SLC39A12: variants seen among roughly 807,000 people sequenced by gnomAD.
The protein encoded by SLC39A12 is solute carrier family 39 member 12.
SLC39A12 carries 63 observed loss-of-function variants against 71.1 expected under a neutral mutation model. The ratio of observed to expected loss-of-function variants is 0.89; its 90% confidence interval spans 0.72 to 1.09. The LOEUF (loss-of-function observed/expected upper bound fraction) is 1.09, where lower values mean the gene tolerates loss of function less well. SLC39A12 is among the 50% of genes least tolerant of loss of function. The probability of loss-of-function intolerance (pLI) is 0.00; values close to 1 mark genes in which losing one functional copy is unlikely to be tolerated. For missense variants in SLC39A12, 892 were observed against 812.6 expected, an observed-to-expected ratio of 1.10 and a Z score of -1.19; for synonymous variants, 351 against 301.3, an observed-to-expected ratio of 1.16 and a Z score of -1.71.
chr10:17,980,256 T>C (rs1056470270), intron 5 of SLC39A12, among the ~76,000 whole-genome samples: 2 of 152,120 alleles, frequency 1.3e-5, no homozygotes, highest in Non-Finnish European at 1.5e-5. Flanking sequence ...CATGAAATCA[T>C]CTCTAAAGAT....
intron 12 of SLC39A12, among the ~76,000 whole-genome samples, chr10:18,032,372 G>GT (rs1836873706): frequency 1.2e-5 from 1 of 83,980 alleles, no homozygotes; most frequent in Non-Finnish European, 2.4e-5. Flanking sequence ...CACATCCCTT[G>GT]TAAGTTGGAT....
chr10:18,020,873 C>T (rs183666120), intron 12 of SLC39A12, among the ~76,000 whole-genome samples: 2 of 151,952 alleles, frequency 1.3e-5, no homozygotes, highest in Non-Finnish European at 2.9e-5. Context: ...GATATTAGAC[C>T]TTTGTTAGAT....
chr10:18,024,015 C>T (rs910924058), intron 12 of SLC39A12, among the ~76,000 whole-genome samples: 5 of 152,140 alleles, frequency 3.3e-5, no homozygotes, highest in African/African-American at 1.2e-4. Flanking sequence ...GGGGTGGGGG[C>T]TGCAGCAGTG....
intron 4 of SLC39A12, among the ~76,000 whole-genome samples, chr10:17,968,413 A>G (rs921501989): frequency 2.6e-5 from 4 of 152,182 alleles, no homozygotes; most frequent in African/African-American, 7.2e-5. Flanking sequence ...ACATTTTTAC[A>G]TCTCCAGTGC....
intron 12 of SLC39A12, among the ~76,000 whole-genome samples, chr10:18,033,963 G>C (rs1836925477): frequency 1.3e-5 from 2 of 149,290 alleles, no homozygotes; most frequent in South Asian, 4.2e-4. Flanking sequence ...GAGTGGCTTT[G>C]AGTGAGATTC....
At chr10:17,991,333 C>G in intron 8 of SLC39A12, 30 bp downstream of exon 8, 1 of 1,520,638 alleles carries the variant, frequency 6.6e-7, no homozygotes, top group Non-Finnish European at 8.8e-7. Context: ...TTGTCTTGTG[C>G]TTTAAAGTCT....
chr10:17,982,852 A>C (rs1269832514), intron 6 of SLC39A12, among the ~76,000 whole-genome samples: 21 of 152,220 alleles, frequency 1.4e-4, no homozygotes. Context: ...ACTTCTGGGG[A>C]ATAGTCTTCC....
intron 3 of SLC39A12, among the ~76,000 whole-genome samples, chr10:17,964,955 C>T (rs956156532): frequency 1.3e-4 from 20 of 152,222 alleles, no homozygotes; most frequent in African/African-American, 3.6e-4. Context: ...GCCTGTAATC[C>T]CGGCACTTTG....
intron 4 of SLC39A12, among the ~76,000 whole-genome samples, chr10:17,974,721 A>T (rs1835061883): frequency 6.6e-6 from 1 of 152,170 alleles, no homozygotes; most frequent in African/African-American, 2.4e-5. Context: ...TTAGACCTGA[A>T]GCCAGCACAG....
chr10:17,986,804 G>A (rs893973386), intron 6 of SLC39A12, among the ~76,000 whole-genome samples: 5 of 152,146 alleles, frequency 3.3e-5, no homozygotes, highest in Non-Finnish European at 7.3e-5. Context: ...CCAGGAGCTT[G>A]AGACTAGCCC....
chr10:18,036,787 TATATATA>T (rs1196383518), intron 12 of SLC39A12, among the ~76,000 whole-genome samples: 274 of 12,570 alleles, frequency 0.022, 15 homozygotes, highest in Middle Eastern at 0.071. Flanking sequence ...TATATATATA[TATATATA>T]TTTTTTTTTT....
At chr10:18,025,425 T>C (rs1836649897) in intron 12 of SLC39A12, among the ~76,000 whole-genome samples, 1 of 151,842 alleles carries the variant, frequency 6.6e-6, no homozygotes, top group Non-Finnish European at 1.5e-5. Flanking sequence ...GATGTTCCCC[T>C]TCCTGTGTCC....
chr10:18,005,869 G>C (rs567655687), intron 12 of SLC39A12: 14 of 152,004 alleles, frequency 9.2e-5, no homozygotes, highest in African/African-American at 3.4e-4. Context: ...AAAAATACTT[G>C]TGAGTTTCCC....
chr10:17,976,171 T>A (rs1397541916), intron 4 of SLC39A12, among the ~76,000 whole-genome samples: 1 of 152,152 alleles, frequency 6.6e-6, no homozygotes, highest in Non-Finnish European at 1.5e-5. Flanking sequence ...TGAAGGTGCT[T>A]TTCTTGTGTA....
At chr10:18,012,865 CAAAA>C (rs35173291) in intron 12 of SLC39A12, among the ~76,000 whole-genome samples, 4 of 104,354 alleles carry the variant, frequency 3.8e-5, no homozygotes, top group Admixed American at 1.0e-4. Context: ...GACTACGTCT[CAAAA>C]AAAAAAAAAA....
chr10:17,978,366 A>G (rs914675980), intron 5 of SLC39A12, among the ~76,000 whole-genome samples: 1 of 152,216 alleles, frequency 6.6e-6, no homozygotes, highest in Non-Finnish European at 1.5e-5. Context: ...TTTTATGCAC[A>G]CCGCTAATCA....
At position 17,961,721 on chromosome 10, in the gene SLC39A12, C is replaced by T; in HGVS notation, c.402C>T (p.Asn134=). Residue 134 remains asparagine, a synonymous_variant, in exon 3 of 13, where the codon AAC becomes AAT. Coordinates refer to ENST00000377369, the MANE Select transcript of SLC39A12 (RefSeq NM_001145195.2). ...AAGAGATCTGTTCTTCAAAGCTCAA[C>T]ATGAGTAATAAAGAGTATAAATTTT... The part of the protein sequence containing the change: ...HQEEICSSKL[N]MSNKEYKFYL... 1.2e-6 allele frequency: 2 copies of T among 1,614,106 alleles called. No homozygotes were observed. The highest frequency in any genetic ancestry group is 1.3e-5 in the African/African-American group (1 of 75,052).
chr10:18,041,452 C>T (rs981288525), intron 12 of SLC39A12, among the ~76,000 whole-genome samples: 1 of 150,168 alleles, frequency 6.7e-6, no homozygotes, highest in African/African-American at 2.5e-5. Flanking sequence ...GCTGAGATCC[C>T]ACCACTGCAC....
chr10:18,036,772 ATATATATATATATATATATATAT>A (rs1837046188), intron 12 of SLC39A12, among the ~76,000 whole-genome samples: 1 of 11,910 alleles, frequency 8.4e-5, no homozygotes, highest in Non-Finnish European at 1.8e-4. Context: ...ATATATATAT[ATATATATATATATATATATATAT>A]TTTTTTTTTT....
Sources: gnomAD v4.1 joint callset for allele counts (sites outside exome capture counted in the v4.1 genomes callset) on GRCh38, gnomAD v4.1.1 for gene constraint, MANE v1.5 for transcripts, NCBI Gene and HGNC (gene_info 2026-07-23, HGNC 2026-07-21) for gene names.